The following EIF4G3 variants were observed in gnomAD, a reference collection of about 807,000 sequenced individuals.
EIF4G3 encodes the protein eukaryotic translation initiation factor 4 gamma 3.
In EIF4G3, 34 loss-of-function variants were observed where a neutral mutation model predicts 186.4. The ratio of observed to expected loss-of-function variants is 0.18; its 90% CI spans 0.14 to 0.24. The LOEUF is 0.24. Among genes scored for constraint, EIF4G3 ranks in the 10% least tolerant of loss-of-function variants. The probability of loss-of-function intolerance (pLI) is 1.00; values close to 1 mark genes in which losing one functional copy is unlikely to be tolerated. For synonymous variants in EIF4G3, 673 were observed against 679.5 expected, an observed-to-expected ratio of 0.99 and a Z score of 0.15; for missense variants, 1,536 against 1,948.5, an observed-to-expected ratio of 0.79 and a Z score of 3.99.
At chr1:21,092,640 A>G (rs1178204868) in intron 2 of EIF4G3, among the ~76,000 whole-genome samples, 1 of 152,182 alleles carries the variant, frequency 6.6e-6, no homozygotes, top group African/African-American at 2.4e-5. Context: ...CCGCACTGCC[A>G]ATACAATCCT....
At chr1:21,076,608 A>G (rs1044184006) in intron 3 of EIF4G3, among the ~76,000 whole-genome samples, 2 of 152,218 alleles carry the variant, frequency 1.3e-5, no homozygotes, top group Admixed American at 1.3e-4. Context: ...AGACCAATGG[A>G]AGACAACAGA....
chr1:20,847,267 G>A (rs1226968014), intron 29 of EIF4G3, among the ~76,000 whole-genome samples: 1 of 152,192 alleles, frequency 6.6e-6, no homozygotes. Context: ...CCAACGCAGA[G>A]TAAGTCCTCA....
chr1:21,140,088 G>A (rs1304763707), intron 2 of EIF4G3, among the ~76,000 whole-genome samples: 1 of 152,198 alleles, frequency 6.6e-6, no homozygotes, highest in African/African-American at 2.4e-5. Flanking sequence ...ACCTTCTCCA[G>A]ATTTGGTTGA....
intron 14 of EIF4G3, among the ~76,000 whole-genome samples, chr1:20,939,774 T>C (rs2095643808): frequency 6.6e-6 from 1 of 152,022 alleles, no homozygotes; most frequent in Admixed American, 6.6e-5. Context: ...GTCAAACAAA[T>C]TACTGTTCTC....
At chr1:21,088,257 C>T (rs776507535) in intron 3 of EIF4G3, among the ~76,000 whole-genome samples, 6 of 151,274 alleles carry the variant, frequency 4.0e-5, no homozygotes, top group Non-Finnish European at 7.4e-5. Context: ...TCTGTCTCTA[C>T]TAAAAGAACA....
intron 4 of EIF4G3, among the ~76,000 whole-genome samples, chr1:21,047,664 T>C (rs993049730): frequency 3.9e-5 from 6 of 152,172 alleles, no homozygotes; most frequent in Non-Finnish European, 8.8e-5. Flanking sequence ...GACTCTCATG[T>C]GTCCACGCAC....
rs1491269812 is a variant in EIF4G3 at position 20,814,781 on chromosome 1, C to CT, written c.4516-1543_4516-1542insA. On this transcript the variant is annotated intron_variant, in intron 34 of 36. Transcript: ENST00000602326. ...TCCCCCTCCCCCTCCCCCTCCCCCT[C>CT]CCCCTCTCCCTCTCCCCACAGTCTC... Among the ~76,000 whole-genome samples, 131 of 90,664 alleles carry CT rather than the reference C, an allele frequency of 1.4e-3. 3 individuals are homozygous for CT. The highest frequency in any genetic ancestry group is 5.2e-3 in the African/African-American group (128 of 24,674). 59.5% of individuals were successfully genotyped at this position (90,664 alleles called of 152,430 possible).
At chr1:21,088,406 C>T (rs1227353667) in intron 3 of EIF4G3, among the ~76,000 whole-genome samples, 1 of 146,376 alleles carries the variant, frequency 6.8e-6, no homozygotes, top group Admixed American at 6.9e-5. Flanking sequence ...GCAACAAGAG[C>T]AAAACTCCAT....
chr1:20,922,416 G>A (rs142974790), intron 14 of EIF4G3, among the ~76,000 whole-genome samples: 2 of 152,182 alleles, frequency 1.3e-5, no homozygotes, highest in East Asian at 3.9e-4. Context: ...TCCTGCCTCA[G>A]CCTCCCAAGT....
intron 3 of EIF4G3, among the ~76,000 whole-genome samples, chr1:21,083,457 C>A (rs555166060): frequency 2.7e-5 from 4 of 150,588 alleles, no homozygotes; most frequent in Non-Finnish European, 1.5e-5. Context: ...GGATTACAGG[C>A]GTCAGCCACC....
intron 2 of EIF4G3, among the ~76,000 whole-genome samples, chr1:21,092,999 A>G (rs1329450054): frequency 6.6e-6 from 1 of 152,236 alleles, no homozygotes; most frequent in Non-Finnish European, 1.5e-5. Context: ...TAAAAACCCT[A>G]GAAGAAAACC....
Position 20,949,124 on chromosome 1 carries a change from T to G in EIF4G3, c.823+879A>C, listed in dbSNP as rs2096094117. Among the ~76,000 whole-genome samples, 3 of 152,148 alleles carry G rather than the reference T, an allele frequency of 2.0e-5. No individual in the cohort carries two copies. The South Asian group carries it at 6.2e-4, about 31-fold the overall frequency. On this transcript the variant is annotated intron_variant, in intron 13 of 36. Transcript: ENST00000602326. ...TGATATCCAATCATTTTTAGAAATC[T>G]GAAACATAAAGCAGGGTCAAAGTTA...
At chr1:20,969,268 T>C (rs964347520) in intron 12 of EIF4G3, among the ~76,000 whole-genome samples, 4 of 152,132 alleles carry the variant, frequency 2.6e-5, no homozygotes, top group African/African-American at 9.7e-5. Flanking sequence ...GTGAAAACAA[T>C]ACATAAATAT....
Position 21,094,673 on chromosome 1 carries a change from C to T in EIF4G3, c.-271-5460G>A, listed in dbSNP as rs534109267. On this transcript the variant is annotated intron_variant, in intron 2 of 36. Coordinates refer to ENST00000602326, the MANE Select transcript of EIF4G3 (RefSeq NM_001391906.1). ...CATTAGGAGATATACCTAATGTAAA[C>T]GACGAGTTAATGGGTGCAGCACACC... 2.5e-3 allele frequency among the ~76,000 whole-genome samples: 377 copies of T among 149,726 alleles called. 1 individual carries two copies. The highest frequency in any genetic ancestry group is 0.013 in the East Asian group (67 of 5,086).
At chr1:20,948,168 T>C (rs1418234874) in intron 13 of EIF4G3, among the ~76,000 whole-genome samples, 1 of 152,202 alleles carries the variant, frequency 6.6e-6, no homozygotes, top group Non-Finnish European at 1.5e-5. Context: ...TTTGCGAAAG[T>C]GCAATGAAGT....
intron 4 of EIF4G3, among the ~76,000 whole-genome samples, chr1:21,049,319 C>T (rs2094081326): frequency 6.6e-6 from 1 of 152,148 alleles, no homozygotes; most frequent in East Asian, 1.9e-4. Flanking sequence ...CTCTACTCAG[C>T]CCTAAGGTAA....
In EIF4G3 at chr1:20,981,838, A is replaced by G. The variant is rs553941222; in HGVS notation, c.198+550T>C. Among the ~76,000 whole-genome samples the G allele has an allele frequency of 6.8e-4, 104 of 152,226 alleles. 2 individuals are homozygous for G. The South Asian group carries it at 0.017, about 25-fold the overall frequency. On this transcript the variant is annotated intron_variant, in intron 8 of 36. Coordinates refer to ENST00000602326, the MANE Select transcript of EIF4G3 (RefSeq NM_001391906.1). ...TACATACATATATGTATAATAAAGTATAACAAAAGGGGTAGCTAATATTGA... is the reference window on the plus strand; with the variant it reads ...TACATACATATATGTATAATAAAGTGTAACAAAAGGGGTAGCTAATATTGA...
chr1:20,972,062 T>C (rs571464045), intron 11 of EIF4G3, among the ~76,000 whole-genome samples: 1 of 152,296 alleles, frequency 6.6e-6, no homozygotes, highest in Middle Eastern at 3.4e-3. Context: ...TCTGTTCTGT[T>C]GCGTAAGGAA....
Position 21,054,081 on chromosome 1 carries a change from A to T in EIF4G3, c.-195-3087T>A, listed in dbSNP as rs532256346. ...AATCGGATGGTTGCCATGTCTGTGT[A>T]GAAAGAGGTAGACATGGGAGACTTT... On this transcript the variant is annotated intron_variant, in intron 3 of 36. Coordinates refer to ENST00000602326, the MANE Select transcript of EIF4G3 (RefSeq NM_001391906.1). 1.5e-3 allele frequency among the ~76,000 whole-genome samples: 221 copies of T among 152,270 alleles called. 3 individuals are homozygous for T. Among genetic ancestry groups the T allele is most frequent in the African/African-American group, 5.0e-3 (207 of 41,566 alleles).
Sources: gnomAD v4.1 joint callset for allele counts (sites outside exome capture counted in the v4.1 genomes callset) on GRCh38, gnomAD v4.1.1 for gene constraint, MANE v1.5 for transcripts, NCBI Gene and HGNC (gene_info 2026-07-23, HGNC 2026-07-21) for gene names.